EPHA6: variants seen among roughly 807,000 people sequenced by gnomAD.
EPHA6 encodes the protein EPH receptor A6, also known as ephrin type-A receptor 6.
EPHA6 carries 50 observed loss-of-function variants against 112.0 expected under a neutral mutation model. The ratio of observed to expected loss-of-function variants is 0.45; its 90% CI spans 0.36 to 0.56. EPHA6 has a LOEUF of 0.56. Ranked by LOEUF, EPHA6 falls within the 20% of genes least tolerant of loss-of-function variation. EPHA6 has a pLI of 0.00. For missense variants in EPHA6, 1,280 were observed against 1,417.4 expected (o/e 0.90, Z 1.56); for synonymous variants, 529 against 490.7 (o/e 1.08, Z -1.03).
intron 2 of EPHA6, among the ~76,000 whole-genome samples, chr3:96,927,364 T>A (rs1370622664): frequency 1.3e-5 from 2 of 152,226 alleles, no homozygotes; most frequent in African/African-American, 4.8e-5. Context: ...ATTTTCTCCA[T>A]TGTCTCAGAT....
At chr3:97,500,324 G>A (rs1488204994) in intron 10 of EPHA6, among the ~76,000 whole-genome samples, 5 of 151,936 alleles carry the variant, frequency 3.3e-5, no homozygotes, top group East Asian at 1.9e-4. Flanking sequence ...GTTAAAATTC[G>A]ACAGGTTGTA....
At chr3:97,392,830 T>A (rs1559952456) in intron 5 of EPHA6, among the ~76,000 whole-genome samples, 1 of 151,790 alleles carries the variant, frequency 6.6e-6, no homozygotes, top group Non-Finnish European at 1.5e-5. Flanking sequence ...TTAGCTCTTT[T>A]TTTTTCTGTA....
At chr3:97,374,435 A>G (rs370962548) in intron 5 of EPHA6, among the ~76,000 whole-genome samples, 5 of 152,042 alleles carry the variant, frequency 3.3e-5, no homozygotes, top group South Asian at 4.1e-4. Flanking sequence ...AATATTCTCC[A>G]TGATGTCATT....
intron 5 of EPHA6, among the ~76,000 whole-genome samples, chr3:97,330,171 G>A (rs1005976459): frequency 4.0e-5 from 6 of 151,852 alleles, no homozygotes; most frequent in Non-Finnish European, 7.4e-5. Flanking sequence ...TGTTCCATTG[G>A]TCTATATCTC....
chr3:97,103,740 T>C (rs1395542593), intron 3 of EPHA6, among the ~76,000 whole-genome samples: 1 of 152,166 alleles, frequency 6.6e-6, no homozygotes, highest in Non-Finnish European at 1.5e-5. Flanking sequence ...CTTTGAGCAG[T>C]ATGGGCATTT....
chr3:97,530,523 T>C (rs995897967), intron 10 of EPHA6, among the ~76,000 whole-genome samples: 1 of 151,486 alleles, frequency 6.6e-6, no homozygotes, highest in African/African-American at 2.4e-5. Flanking sequence ...CAAGCACAAC[T>C]GAAAAACTAC....
chr3:97,404,718 C>T (rs1457031575), intron 5 of EPHA6, among the ~76,000 whole-genome samples: 2 of 151,986 alleles, frequency 1.3e-5, no homozygotes, highest in Admixed American at 6.6e-5. Context: ...TTTTTGAAGC[C>T]TTAAAATGTC....
intron 3 of EPHA6, among the ~76,000 whole-genome samples, chr3:97,069,732 A>G (rs1183203696): frequency 3.3e-5 from 5 of 152,176 alleles, no homozygotes; most frequent in Admixed American, 6.6e-5. Flanking sequence ...ATACAGTATC[A>G]AAAATGTTTT....
chr3:97,747,239 T>C (rs919753950), intron 16 of EPHA6, among the ~76,000 whole-genome samples, 184 bp from the exon 17 acceptor site: 2 of 152,036 alleles, frequency 1.3e-5, no homozygotes, highest in Admixed American at 6.6e-5. Flanking sequence ...GATAAGTCAC[T>C]GATTTGATAA....
At chr3:97,623,628 A>T (rs1043214324) in intron 13 of EPHA6, among the ~76,000 whole-genome samples, 1 of 151,694 alleles carries the variant, frequency 6.6e-6, no homozygotes, top group Non-Finnish European at 1.5e-5. Context: ...AAGAGCAAAA[A>T]GGGCAAAAAG....
intron 7 of EPHA6, among the ~76,000 whole-genome samples, chr3:97,461,894 A>AG (rs1191577591): frequency 6.6e-6 from 1 of 152,288 alleles, no homozygotes; most frequent in East Asian, 1.9e-4. Flanking sequence ...CAGGCAAGTC[A>AG]GGGGGCCTCC....
intron 3 of EPHA6, among the ~76,000 whole-genome samples, chr3:96,988,602 A>G (rs1415429290): frequency 6.6e-6 from 1 of 152,168 alleles, no homozygotes; most frequent in African/African-American, 2.4e-5. Flanking sequence ...ATTTTATTTC[A>G]AAAATGTATA....
intron 3 of EPHA6, among the ~76,000 whole-genome samples, chr3:96,993,027 T>C (rs1048224091): frequency 6.6e-6 from 1 of 152,214 alleles, no homozygotes; most frequent in African/African-American, 2.4e-5. Flanking sequence ...TAGTTAAAAG[T>C]GCAGCCTGTT....
chr3:97,687,251 T>TA lies in EPHA6; in HGVS notation c.2785-33002dup, dbSNP rs199513322. Among the ~76,000 whole-genome samples, 377 of 152,078 alleles carry TA rather than the reference T, an allele frequency of 2.5e-3. 4 individuals are homozygous for TA. Among genetic ancestry groups the TA allele is most frequent in the South Asian group, 0.014 (68 of 4,818 alleles). On this transcript the variant is annotated intron_variant, in intron 14 of 17. Coordinates refer to ENST00000389672, the MANE Select transcript of EPHA6 (RefSeq NM_001080448.3). Reference sequence around the variant, plus strand: ...TTAGTCTGCCGTAGATCCTTCACTATAAAAAAAACAAAGATAACATTTGTG... The same window carrying TA: ...TTAGTCTGCCGTAGATCCTTCACTATAAAAAAAAACAAAGATAACATTTGTG...
intron 2 of EPHA6, among the ~76,000 whole-genome samples, chr3:96,900,875 A>C (rs1012419447): frequency 6.6e-6 from 1 of 152,236 alleles, no homozygotes; most frequent in Admixed American, 6.5e-5. Context: ...TGTAGTTCTT[A>C]TGCAAAACCT....
chr3:97,259,290 A>T (rs551532100), intron 5 of EPHA6, among the ~76,000 whole-genome samples: 1 of 151,058 alleles, frequency 6.6e-6, no homozygotes, highest in African/African-American at 2.5e-5. Context: ...CATAACAATA[A>T]GAATATCTTC....
chr3:97,427,805 A>G (rs1193183732), intron 6 of EPHA6, among the ~76,000 whole-genome samples: 1 of 152,034 alleles, frequency 6.6e-6, no homozygotes, highest in Admixed American at 6.6e-5. Flanking sequence ...ATCCTAAGCC[A>G]ATTAATACAG....
At chr3:97,741,935 A>G (rs915663688) in intron 16 of EPHA6, among the ~76,000 whole-genome samples, 7 of 152,132 alleles carry the variant, frequency 4.6e-5, no homozygotes, top group Non-Finnish European at 1.0e-4. Context: ...ATGGGAATAA[A>G]TAGAAAATAC....
chr3:97,059,300 G>A (rs182168976), intron 3 of EPHA6, among the ~76,000 whole-genome samples: 3 of 152,112 alleles, frequency 2.0e-5, no homozygotes, highest in African/African-American at 7.2e-5. Flanking sequence ...CTGCCTCAAA[G>A]GAAAACACAC....
Sources: allele counts gnomAD v4.1 joint callset (sites outside exome capture counted in the v4.1 genomes callset), GRCh38; gene constraint gnomAD v4.1.1; transcripts MANE v1.5; gene names NCBI Gene and HGNC (gene_info 2026-07-23, HGNC 2026-07-21).